The following SLC68A1 variants were observed in gnomAD, a reference collection of about 807,000 sequenced individuals.
SLC68A1 encodes major facilitator superfamily domain containing 13A.
the SLC68A1 span, chr10:102,473,071 C>G: frequency 1.3e-6 from 1 of 793,670 alleles, no homozygotes; most frequent in South Asian, 1.5e-5. Context: ...AGTGATCCAC[C>G]TGCCTCTGCC....
At chr10:102,469,290 C>A in the SLC68A1 span, 2 of 1,316,366 alleles carry the variant, frequency 1.5e-6, no homozygotes, top group South Asian at 1.2e-5. Context: ...GGTGCCTGGT[C>A]CCACCCAGTC....
the SLC68A1 span, among the ~76,000 whole-genome samples, chr10:102,463,936 C>T: frequency 1.3e-5 from 2 of 152,188 alleles, no homozygotes; most frequent in East Asian, 3.9e-4. Flanking sequence ...GGATGGCAGA[C>T]AAGAGGGGCT....
At chr10:102,476,042 GTTTT>G in the SLC68A1 span, 4 of 958,162 alleles carry the variant, frequency 4.2e-6, 1 homozygote, top group Non-Finnish European at 5.3e-6. Context: ...GAAGGAGCCA[GTTTT>G]TTTTGGTTTT....
chr10:102,474,362 G>A, the SLC68A1 span, among the ~76,000 whole-genome samples: 3 of 152,146 alleles, frequency 2.0e-5, no homozygotes, highest in Non-Finnish European at 4.4e-5. Flanking sequence ...ACATTATCAG[G>A]CAGTAATAGT....
At chr10:102,465,108 ATTTGC>A in the SLC68A1 span, among the ~76,000 whole-genome samples, 2 of 151,966 alleles carry the variant, frequency 1.3e-5, no homozygotes, top group Non-Finnish European at 2.9e-5. Flanking sequence ...CAAAAAAAAA[ATTTGC>A]CGAGTGTGGT....
At chr10:102,470,184 C>A in the SLC68A1 span, 1 of 1,020,868 alleles carries the variant, frequency 9.8e-7, no homozygotes. Flanking sequence ...GAGACTATTT[C>A]AGTGTTGCCC....
At chr10:102,472,918 A>G in the SLC68A1 span, 10 of 1,614,130 alleles carry the variant, frequency 6.2e-6, no homozygotes, top group Non-Finnish European at 8.5e-6. Context: ...TTGTCCGACC[A>G]TATCTCCCTT....
the SLC68A1 span, chr10:102,476,077 T>TG: frequency 2.2e-5 from 20 of 912,258 alleles, no homozygotes; most frequent in South Asian, 3.0e-4. Context: ...ATTTCATAGT[T>TG]TTTTTTTTTT....
At chr10:102,475,770 A>G in the SLC68A1 span, 15 of 1,613,632 alleles carry the variant, frequency 9.3e-6, no homozygotes, top group Non-Finnish European at 1.3e-5. Flanking sequence ...GGGAGTGCCC[A>G]TCCCTGGCCA....
chr10:102,466,282 A>G, the SLC68A1 span, among the ~76,000 whole-genome samples: 1 of 151,958 alleles, frequency 6.6e-6, no homozygotes, highest in Admixed American at 6.6e-5. Context: ...TCAGGAGTTC[A>G]AGACCAGCCT....
At chr10:102,465,798 C>T in the SLC68A1 span, among the ~76,000 whole-genome samples, 3 of 152,114 alleles carry the variant, frequency 2.0e-5, no homozygotes, top group Non-Finnish European at 2.9e-5. Context: ...GGCTGTTTCC[C>T]GATGGAGGAG....
At chr10:102,464,061 G>T in the SLC68A1 span, among the ~76,000 whole-genome samples, 1 of 152,142 alleles carries the variant, frequency 6.6e-6, no homozygotes, top group Non-Finnish European at 1.5e-5. Flanking sequence ...GCCCCAGCTG[G>T]TCTCTAACTT....
chr10:102,461,782 A>C, the SLC68A1 span: 1 of 152,226 alleles, frequency 6.6e-6, no homozygotes, highest in East Asian at 1.9e-4. Flanking sequence ...TGCCATTAGC[A>C]TAAAGGCATT....
chr10:102,466,726 G>T, the SLC68A1 span, among the ~76,000 whole-genome samples: 1 of 152,132 alleles, frequency 6.6e-6, no homozygotes, highest in East Asian at 1.9e-4. Context: ...TTGTGTTCAG[G>T]GCTCACCTTC....
the SLC68A1 span, among the ~76,000 whole-genome samples, chr10:102,474,974 C>T: frequency 4.6e-5 from 7 of 151,092 alleles, no homozygotes; most frequent in South Asian, 6.3e-4. Flanking sequence ...AGGGAAGTGA[C>T]GTAGTGTGAT....
At chr10:102,469,693 C>T in the SLC68A1 span, 3 of 218,568 alleles carry the variant, frequency 1.4e-5, no homozygotes, top group African/African-American at 2.3e-5. Context: ...ATTACAAGCA[C>T]CCGCCACCAC....
the SLC68A1 span, chr10:102,470,147 C>A: frequency 7.1e-7 from 1 of 1,417,634 alleles, no homozygotes; most frequent in South Asian, 1.2e-5. Flanking sequence ...AGGACCCCTG[C>A]CTGTGTTTGG....
the SLC68A1 span, chr10:102,468,973 C>A: frequency 6.6e-7 from 1 of 1,504,152 alleles, no homozygotes; most frequent in South Asian, 1.2e-5. Flanking sequence ...ATGGGAAGAC[C>A]GCCTGTGGCC....
chr10:102,476,119 C>A, the SLC68A1 span: 1 of 1,331,012 alleles, frequency 7.5e-7, no homozygotes, highest in East Asian at 2.8e-5. Context: ...AAAAATGGAT[C>A]TGTTGCAGTG....
Sources: gnomAD v4.1 joint callset for allele counts (sites outside exome capture counted in the v4.1 genomes callset) on GRCh38, gnomAD v4.1.1 for gene constraint, MANE v1.5 for transcripts, NCBI Gene and HGNC (gene_info 2026-07-23, HGNC 2026-07-21) for gene names.